The following TTYH3 variants were observed in gnomAD, a reference collection of about 807,000 sequenced individuals.
TTYH3 encodes the protein protein tweety homolog 3.
A neutral mutation model predicts 68.2 loss-of-function variants in TTYH3; 23 were observed. The observed-to-expected ratio is 0.34, with a 90% confidence interval of 0.24 to 0.48. TTYH3 has a LOEUF of 0.48. TTYH3 is among the 20% of genes least tolerant of loss of function. The probability of loss-of-function intolerance (pLI) is 0.99; values close to 1 mark genes in which losing one functional copy is unlikely to be tolerated. For synonymous variants in TTYH3, 360 were observed against 332.8 expected (o/e 1.08, Z -0.89); for missense variants, 768 against 727.7 (o/e 1.06, Z -0.64).
At chr7:2,632,892 C>T (rs1416104545) in intron 1 of TTYH3, among the ~76,000 whole-genome samples, 1 of 152,230 alleles carries the variant, frequency 6.6e-6, no homozygotes, top group Non-Finnish European at 1.5e-5. Context: ...GGGATGTACA[C>T]AGGGTGCCGT....
At chr7:2,655,966 T>G in intron 9 of TTYH3, 126 bp from the exon 10 acceptor site, 1 of 714,768 alleles carries the variant, frequency 1.4e-6, no homozygotes, top group Non-Finnish European at 2.3e-6. Flanking sequence ...GACCCCAGGG[T>G]GGGGGGTATC....
At chr7:2,658,532 C>T in intron 12 of TTYH3, 73 bp downstream of exon 12, 1 of 1,512,222 alleles carries the variant, frequency 6.6e-7, no homozygotes, top group Middle Eastern at 2.1e-4. Context: ...TGGGCTGGGG[C>T]TAGCTCGAGG....
intron 8 of TTYH3, among the ~76,000 whole-genome samples, chr7:2,652,509 C>G (rs1786213079): frequency 6.6e-6 from 1 of 152,158 alleles, no homozygotes; most frequent in African/African-American, 2.4e-5. Context: ...TTGGATTGGC[C>G]TTGGTGGGGG....
intron 1 of TTYH3, among the ~76,000 whole-genome samples, chr7:2,636,652 G>T (rs913703692): frequency 6.6e-6 from 1 of 152,026 alleles, no homozygotes; most frequent in African/African-American, 2.4e-5. Context: ...CCCTGCATTG[G>T]GGGGTGGAGG....
intron 1 of TTYH3, among the ~76,000 whole-genome samples, chr7:2,639,686 A>G (rs1785781495): frequency 6.6e-6 from 1 of 152,230 alleles, no homozygotes; most frequent in Admixed American, 6.5e-5. Flanking sequence ...TCCCCACTGC[A>G]GTCAGGCTGT....
At chr7:2,648,988 G>T (rs1393702795) in intron 5 of TTYH3, among the ~76,000 whole-genome samples, 1 of 151,958 alleles carries the variant, frequency 6.6e-6, no homozygotes, top group Non-Finnish European at 1.5e-5. Context: ...GCCTGCACTG[G>T]GGTGTGTTTT....
intron 9 of TTYH3, among the ~76,000 whole-genome samples, chr7:2,653,305 AGG>A (rs1786243699): frequency 1.3e-5 from 2 of 152,214 alleles, no homozygotes; most frequent in Admixed American, 6.5e-5. Flanking sequence ...TATGTTGCCC[AGG>A]TGGGTCTCAG....
chr7:2,649,284 A>AGAGGGACCTGGGGGACAG, intron 5 of TTYH3, among the ~76,000 whole-genome samples: 1 of 152,122 alleles, frequency 6.6e-6, no homozygotes, highest in Middle Eastern at 3.4e-3. Context: ...CCTGTTCAGG[A>AGAGGGACCTGGGGGACAG]GAGGGACCTG....
intron 7 of TTYH3, among the ~76,000 whole-genome samples, chr7:2,651,192 A>C (rs1252962410): frequency 1.3e-5 from 2 of 152,254 alleles, no homozygotes; most frequent in South Asian, 2.1e-4. Context: ...TGTGTTCCCC[A>C]ATAGGAAATA....
intron 5 of TTYH3, among the ~76,000 whole-genome samples, chr7:2,649,028 G>A (rs1786086067): frequency 6.6e-6 from 1 of 151,868 alleles, no homozygotes; most frequent in Non-Finnish European, 1.5e-5. Flanking sequence ...TGGGGGACTC[G>A]TGGTGGGGGC....
intron 4 of TTYH3, 78 bp downstream of exon 4, chr7:2,647,716 C>T (rs903095316): frequency 1.5e-5 from 22 of 1,443,844 alleles, no homozygotes; most frequent in Admixed American, 2.0e-5. Context: ...GCTCTCAGCA[C>T]CTAGTACATG....
At chr7:2,636,750 G>C (rs1436083943) in intron 1 of TTYH3, among the ~76,000 whole-genome samples, 3 of 152,160 alleles carry the variant, frequency 2.0e-5, no homozygotes, top group Non-Finnish European at 4.4e-5. Flanking sequence ...ACTCCGATTG[G>C]CTGAGCTTGC....
At chr7:2,632,516 A>T (rs1206624800) in intron 1 of TTYH3, among the ~76,000 whole-genome samples, 2 of 150,326 alleles carry the variant, frequency 1.3e-5, no homozygotes, top group East Asian at 3.9e-4. Context: ...ATACCCTCCA[A>T]CCCCCAGTGA....
At chr7:2,646,241 C>T (rs1280158488) in intron 1 of TTYH3, among the ~76,000 whole-genome samples, 1 of 152,240 alleles carries the variant, frequency 6.6e-6, no homozygotes, top group African/African-American at 2.4e-5. Context: ...TCTCAAACTC[C>T]TGACCTCAGG....
rs528039811 is a variant in TTYH3 at position 2,661,929 on chromosome 7, G to A, written c.*190G>A. 1.7e-5 allele frequency: 11 copies of A among 653,250 alleles called. No homozygotes were observed. The highest frequency in any genetic ancestry group is 2.7e-5 in the East Asian group (1 of 36,634). 40.5% of individuals were successfully genotyped at this position (653,250 alleles called of 1,614,324 possible). A position where few individuals can be genotyped will look rare whatever the true frequency, so the allele number is the denominator to read the frequency against. On this transcript the variant is annotated 3_prime_UTR_variant, in exon 14 of 14. Coordinates refer to ENST00000258796, the MANE Select transcript of TTYH3 (RefSeq NM_025250.3). ...GTGGAGACGCAGGGGCTCTGGGCCC[G>A]TACCGCCAACTCGGGTCACACCTGA... is the stretch of plus-strand genomic sequence containing the variant.
At chr7:2,650,615 C>A (rs1262655850) in intron 7 of TTYH3, among the ~76,000 whole-genome samples, 1 of 151,846 alleles carries the variant, frequency 6.6e-6, no homozygotes, top group African/African-American at 2.4e-5. Context: ...CGCTGCATCT[C>A]TTCTAAGAGC....
intron 9 of TTYH3, among the ~76,000 whole-genome samples, chr7:2,655,541 C>T (rs907832109): frequency 6.6e-6 from 1 of 152,268 alleles, no homozygotes; most frequent in South Asian, 2.1e-4. Flanking sequence ...TCGCTGTCAG[C>T]CTGGCAGTGT....
chr7:2,649,755 G>T, intron 6 of TTYH3, 116 bp downstream of exon 6: 7 of 1,448,256 alleles, frequency 4.8e-6, no homozygotes, highest in Admixed American at 1.9e-5. Context: ...TCCCGAGAGC[G>T]GTGGGGACCC....
chr7:2,638,355 G>C (rs971049141), intron 1 of TTYH3, among the ~76,000 whole-genome samples: 1 of 152,198 alleles, frequency 6.6e-6, no homozygotes, highest in African/African-American at 2.4e-5. Context: ...CCTTGCACGA[G>C]GGGGAGGGCG....
Sources: gnomAD v4.1 joint callset for allele counts (sites outside exome capture counted in the v4.1 genomes callset) on GRCh38, gnomAD v4.1.1 for gene constraint, MANE v1.5 for transcripts, NCBI Gene and HGNC (gene_info 2026-07-23, HGNC 2026-07-21) for gene names.